The following NALF1 variants were observed in gnomAD, a reference collection of about 807,000 sequenced individuals.
NALF1 encodes the protein family with sequence similarity 155 member A.
A neutral mutation model predicts 48.4 loss-of-function variants in NALF1; 3 were observed. The observed-to-expected ratio is 0.06, with a 90% CI of 0.03 to 0.16. The LOEUF is 0.16. Ranked by LOEUF, NALF1 falls within the 10% of genes least tolerant of loss-of-function variation. The pLI is 1.00. For synonymous variants in NALF1, 262 were observed against 245.7 expected, an observed-to-expected ratio of 1.07 and a Z score of -0.62; for missense variants, 526 against 571.5, an observed-to-expected ratio of 0.92 and a Z score of 0.81.
chr13:107,269,178 A>AG (rs1881104227), intron 1 of NALF1, among the ~76,000 whole-genome samples: 1 of 151,910 alleles, frequency 6.6e-6, no homozygotes. Context: ...AAAAAAAAAA[A>AG]AGAATTTAAA....
Position 107,672,149 on chromosome 13 carries a change from G to A in NALF1, c.915+193533C>T, listed in dbSNP as rs1881006287. On this transcript the variant is annotated intron_variant, in intron 1 of 2. Coordinates refer to ENST00000375915, the MANE Select transcript of NALF1 (RefSeq NM_001080396.3). Reference sequence around the variant, plus strand: ...TATTCATCAATTAACACTCTGTTGAGTCCACCAACCAGCTATGAAGCATCT... The same window carrying A: ...TATTCATCAATTAACACTCTGTTGAATCCACCAACCAGCTATGAAGCATCT... Among the ~76,000 whole-genome samples the A allele has an allele frequency of 5.9e-5, 9 of 152,104 alleles. 1 individual carries two copies.
chr13:107,319,634 T>A (rs1456885712), intron 1 of NALF1, among the ~76,000 whole-genome samples: 1 of 152,144 alleles, frequency 6.6e-6, no homozygotes, highest in Non-Finnish European at 1.5e-5. Context: ...TAAATGTGCA[T>A]AACAACTATA....
chr13:107,464,556 T>C (rs1177525180), intron 1 of NALF1, among the ~76,000 whole-genome samples: 1 of 152,124 alleles, frequency 6.6e-6, no homozygotes, highest in African/African-American at 2.4e-5. Context: ...GTTTCACTCT[T>C]GTTGCCCAGG....
At chr13:107,716,475 G>C (rs939447857) in intron 1 of NALF1, among the ~76,000 whole-genome samples, 3 of 152,128 alleles carry the variant, frequency 2.0e-5, no homozygotes, top group African/African-American at 7.2e-5. Context: ...TTCATCCAGG[G>C]GCACAGCTTG....
intron 1 of NALF1, among the ~76,000 whole-genome samples, chr13:107,429,025 T>C (rs937058939): frequency 1.3e-5 from 2 of 152,140 alleles, no homozygotes; most frequent in Admixed American, 6.6e-5. Context: ...TTCACATCTT[T>C]AAAAGAAAAG....
intron 1 of NALF1, among the ~76,000 whole-genome samples, chr13:107,458,519 CACG>C (rs1884863148): frequency 6.6e-6 from 1 of 152,180 alleles, no homozygotes; most frequent in Non-Finnish European, 1.5e-5. Context: ...GCAGGAAGTG[CACG>C]CCTGGGCAAA....
chr13:107,321,358 TTGAG>T (rs1882251443), intron 1 of NALF1, among the ~76,000 whole-genome samples: 1 of 152,076 alleles, frequency 6.6e-6, no homozygotes, highest in African/African-American at 2.4e-5. Context: ...GAGATTGATA[TTGAG>T]TATTAATCAT....
intron 1 of NALF1, among the ~76,000 whole-genome samples, chr13:107,265,744 G>T (rs1337200356): frequency 6.6e-6 from 1 of 151,880 alleles, no homozygotes; most frequent in Non-Finnish European, 1.5e-5. Context: ...CATATTTAAA[G>T]ACATTTTTAC....
chr13:107,647,184 G>A (rs1880335721), intron 1 of NALF1, among the ~76,000 whole-genome samples: 2 of 151,914 alleles, frequency 1.3e-5, no homozygotes, highest in Non-Finnish European at 2.9e-5. Context: ...CAAAATGTTG[G>A]TAAAGAAAAC....
rs1217231704 is a variant in NALF1 at position 107,775,655 on chromosome 13, A to G, written c.915+90027T>C. Among the ~76,000 whole-genome samples, 13 of 151,880 alleles carry G rather than the reference A, an allele frequency of 8.6e-5. No homozygotes were observed. The East Asian group carries it at 2.3e-3, about 27-fold the overall frequency. On this transcript the variant is annotated intron_variant, in intron 1 of 2. Transcript: ENST00000375915. ...CACTGACTTCCACAATGGTTGAACT[A>G]GTTTACAGTCCCACCAACAGTGTAA...
chr13:107,539,742 A>C (rs757094585), intron 1 of NALF1, among the ~76,000 whole-genome samples: 5 of 152,118 alleles, frequency 3.3e-5, no homozygotes, highest in Non-Finnish European at 7.4e-5. Context: ...GCTCTTTGAA[A>C]TGTTCTAAAT....
chr13:107,205,110 C>T (rs1463905510), intron 2 of NALF1, among the ~76,000 whole-genome samples: 2 of 152,086 alleles, frequency 1.3e-5, no homozygotes, highest in African/African-American at 4.8e-5. Context: ...CACCCACTAA[C>T]TCGTCATCTA....
intron 1 of NALF1, among the ~76,000 whole-genome samples, chr13:107,713,453 C>T (rs1456328965): frequency 6.6e-6 from 1 of 152,092 alleles, no homozygotes; most frequent in Non-Finnish European, 1.5e-5. Flanking sequence ...GTGCCAAGTG[C>T]CTTACATGAA....
chr13:107,268,304 G>A (rs963049670), intron 1 of NALF1, among the ~76,000 whole-genome samples: 19 of 151,996 alleles, frequency 1.3e-4, no homozygotes, highest in African/African-American at 2.9e-4. Context: ...TGGAATTTTC[G>A]ATTCAATATT....
rs115149006 is a variant in NALF1 at position 107,621,104 on chromosome 13, A to G, written c.915+244578T>C. On this transcript the variant is annotated intron_variant, in intron 1 of 2. Transcript: ENST00000375915. ...AGTCAAGTGCAGCATGCGACTGACA[A>G]GTAGTTCCGGATGAACTTGCAGTTA... is the stretch of plus-strand genomic sequence containing the variant. Among the ~76,000 whole-genome samples, 771 of 152,240 alleles carry G rather than the reference A, an allele frequency of 5.1e-3. 8 individuals carry two copies. Among genetic ancestry groups the G allele is most frequent in the African/African-American group, 0.017 (724 of 41,542 alleles).
At chr13:107,181,198 T>G (rs905983990) in intron 2 of NALF1, among the ~76,000 whole-genome samples, 1 of 151,618 alleles carries the variant, frequency 6.6e-6, no homozygotes, top group African/African-American at 2.4e-5. Flanking sequence ...TGTTAGTGAA[T>G]TGGTATCTTT....
intron 1 of NALF1, among the ~76,000 whole-genome samples, chr13:107,817,789 G>C (rs749419391): frequency 6.6e-6 from 1 of 152,056 alleles, no homozygotes; most frequent in East Asian, 1.9e-4. Flanking sequence ...TCCTCCAAAG[G>C]GCCCTCTCTT....
chr13:107,464,879 T>C (rs1314335818), intron 1 of NALF1, among the ~76,000 whole-genome samples: 3 of 152,190 alleles, frequency 2.0e-5, no homozygotes, highest in Admixed American at 6.5e-5. Context: ...AAGCAGTATA[T>C]ATTTAATGTA....
chr13:107,852,400 A>G (rs1185536802), intron 1 of NALF1, among the ~76,000 whole-genome samples: 1 of 152,246 alleles, frequency 6.6e-6, no homozygotes, highest in African/African-American at 2.4e-5. Flanking sequence ...TCTATTTTTA[A>G]GAAGCAATAT....
Sources: allele counts gnomAD v4.1 joint callset (sites outside exome capture counted in the v4.1 genomes callset), GRCh38; gene constraint gnomAD v4.1.1; transcripts MANE v1.5; gene names NCBI Gene and HGNC (gene_info 2026-07-23, HGNC 2026-07-21).